The following QRICH1 variants were observed in gnomAD, a reference collection of about 807,000 sequenced individuals.
The protein encoded by QRICH1 is glutamine rich 1.
In QRICH1, 16 loss-of-function variants were observed where a neutral mutation model predicts 87.1. The observed-to-expected ratio is 0.18, with a 90% confidence interval of 0.12 to 0.28. The LOEUF (loss-of-function observed/expected upper bound fraction) is 0.28, where lower values mean the gene tolerates loss of function less well. Ranked by LOEUF, QRICH1 falls within the 10% of genes least tolerant of loss-of-function variation. The pLI, the probability that QRICH1 is intolerant of heterozygous loss-of-function variation, is 1.00. For synonymous variants in QRICH1, 367 were observed against 368.4 expected (o/e 1.00, Z 0.05); for missense variants, 647 against 951.7 (o/e 0.68, Z 4.21).
chr3:49,066,114 G>A (rs999155292), intron 2 of QRICH1, among the ~76,000 whole-genome samples: 2 of 151,988 alleles, frequency 1.3e-5, no homozygotes, highest in South Asian at 4.2e-4. Context: ...GTGAAACCCC[G>A]TCTCTACCAA....
At chr3:49,041,892 C>CTCTGGGATTA (rs1192741328) in intron 6 of QRICH1, among the ~76,000 whole-genome samples, 1 of 151,130 alleles carries the variant, frequency 6.6e-6, no homozygotes, top group African/African-American at 2.4e-5. Context: ...CCTCCCAAAG[C>CTCTGGGATTA]TCTGGGATTA....
chr3:49,085,080 T>C (rs1263138789), intron 1 of QRICH1, among the ~76,000 whole-genome samples: 1 of 151,936 alleles, frequency 6.6e-6, no homozygotes, highest in African/African-American at 2.4e-5. Context: ...GAGGTGGAGC[T>C]TGCAGTGAGC....
chr3:49,033,126 T>G lies in QRICH1; in HGVS notation c.1889A>C (p.Asn630Thr), dbSNP rs1398994867. ...GAGCCTCTAGAACACTTACTTGGTA[T>G]TAAAGAACATGAGGGTGGTCAGCAA... ...STLLTTLMFF[N>T]TKYFLLKTVD... is the part of the protein sequence containing the mutation. The change falls in exon 7 of 10, where the codon AAT becomes ACT. Residue 630 changes from asparagine to threonine, a missense_variant. Asn to Thr is a moderately conservative substitution (Grantham distance 65). Around this residue, in one of 7 missense-constraint regions of QRICH1, gnomAD observed 187 missense variants for 309.5 expected, o/e 0.60. Transcript: ENST00000395443. 1 of 1,549,614 alleles carries G rather than the reference T, an allele frequency of 6.5e-7. No individual in the cohort carries two copies.
At chr3:49,072,235 A>C (rs1304836271) in intron 2 of QRICH1, among the ~76,000 whole-genome samples, 4 of 152,172 alleles carry the variant, frequency 2.6e-5, no homozygotes. Context: ...GTGAGCCAAA[A>C]TAATGCCACT....
chr3:49,030,987 T>C (rs1319752934), intron 9 of QRICH1, among the ~76,000 whole-genome samples: 2 of 150,850 alleles, frequency 1.3e-5, no homozygotes, highest in Non-Finnish European at 3.0e-5. Flanking sequence ...TCCAAGTCTT[T>C]GCGCTTTTTT....
chr3:49,089,400 T>TC (rs2042230396), intron 1 of QRICH1, among the ~76,000 whole-genome samples: 1 of 152,162 alleles, frequency 6.6e-6, no homozygotes, highest in African/African-American at 2.4e-5. Context: ...TTTGTATTTT[T>TC]CCCAAATATT....
chr3:49,043,945 ATCTC>A (rs2093325502), intron 6 of QRICH1, among the ~76,000 whole-genome samples: 1 of 152,206 alleles, frequency 6.6e-6, no homozygotes, highest in South Asian at 2.1e-4. Context: ...TTTGAGGCCC[ATCTC>A]AGCAACATAC....
At chr3:49,077,709 G>A (rs960361519) in intron 1 of QRICH1, among the ~76,000 whole-genome samples, 1 of 152,110 alleles carries the variant, frequency 6.6e-6, no homozygotes, top group Non-Finnish European at 1.5e-5. Flanking sequence ...ATTAACCTTA[G>A]TTTTCTTGTG....
chr3:49,083,247 T>G, intron 1 of QRICH1: 1 of 141,274 alleles, frequency 7.1e-6, no homozygotes, highest in African/African-American at 2.6e-5. Context: ...GGGATGATGG[T>G]GCATGCCTGC....
intron 2 of QRICH1, among the ~76,000 whole-genome samples, chr3:49,070,059 C>CA (rs1164293960): frequency 6.7e-6 from 1 of 150,158 alleles, no homozygotes; most frequent in Non-Finnish European, 1.5e-5. Flanking sequence ...TTTTTGGAGA[C>CA]AGAGTTTCGC....
rs1450876796 is a variant in QRICH1 at position 49,059,454 on chromosome 3, G to A, written c.310-1564C>T. 4.2e-5 allele frequency among the ~76,000 whole-genome samples: 6 copies of A among 141,624 alleles called. No homozygotes were observed. In the East Asian group the frequency reaches 1.0e-3, roughly 25 times the overall value. 92.9% of individuals were successfully genotyped at this position (141,624 alleles called of 152,430 possible). On this transcript the variant is annotated intron_variant, in intron 2 of 9. Coordinates refer to ENST00000395443, the MANE Select transcript of QRICH1 (RefSeq NM_198880.3). The stretch of plus-strand genomic sequence containing the variant: ...TTTTTTTTTTTTTAGACAGAGTCTC[G>A]CTGTTACCAGGCTGGAGTGCAGTAG...
intron 3 of QRICH1, among the ~76,000 whole-genome samples, chr3:49,051,573 A>AC (rs1342982971): frequency 7.5e-5 from 4 of 53,290 alleles, no homozygotes; most frequent in African/African-American, 1.8e-4. Flanking sequence ...CCAAGCTAGA[A>AC]CCCCCCCTGC....
chr3:49,055,497 G>T (rs1461356620), intron 3 of QRICH1, among the ~76,000 whole-genome samples: 1 of 152,100 alleles, frequency 6.6e-6, no homozygotes. Context: ...TCTACGCTGG[G>T]ACCACAGGTA....
At chr3:49,030,991 C>CTTTTTTTTT (rs1162254467) in intron 9 of QRICH1, among the ~76,000 whole-genome samples, 50 of 132,450 alleles carry the variant, frequency 3.8e-4, no homozygotes, top group African/African-American at 1.3e-3. Flanking sequence ...AGTCTTTGCG[C>CTTTTTTTTT]TTTTTTTTTT....
intron 1 of QRICH1, among the ~76,000 whole-genome samples, chr3:49,077,845 GA>G (rs35545926): frequency 6.6e-6 from 1 of 151,956 alleles, no homozygotes; most frequent in Non-Finnish European, 1.5e-5. Context: ...AATAATTCTG[GA>G]AAAAAGGTAA....
chr3:49,066,183 G>A (rs1006622908), intron 2 of QRICH1, among the ~76,000 whole-genome samples: 11 of 152,068 alleles, frequency 7.2e-5, no homozygotes, highest in Non-Finnish European at 1.6e-4. Context: ...AGCGACTCAG[G>A]AGGCTGAGGT....
chr3:49,055,425 G>C (rs916843684), intron 3 of QRICH1, among the ~76,000 whole-genome samples: 1 of 152,148 alleles, frequency 6.6e-6, no homozygotes, highest in African/African-American at 2.4e-5. Flanking sequence ...CTGTTCTCTA[G>C]GCTGAAATGC....
intron 2 of QRICH1, among the ~76,000 whole-genome samples, chr3:49,064,372 G>A (rs1453118114): frequency 1.3e-5 from 2 of 151,466 alleles, no homozygotes; most frequent in African/African-American, 4.9e-5. Flanking sequence ...CTCCCGAGTA[G>A]CTGGGATTAT....
chr3:49,091,156 G>A (rs970350213), intron 1 of QRICH1, among the ~76,000 whole-genome samples: 1 of 152,202 alleles, frequency 6.6e-6, no homozygotes, highest in Non-Finnish European at 1.5e-5. Flanking sequence ...CCAGGAGGCA[G>A]AGGTTGCAGT....
Sources: gnomAD v4.1 joint callset for allele counts (sites outside exome capture counted in the v4.1 genomes callset) on GRCh38, gnomAD v4.1.1 for gene constraint, gnomAD v4.1.1 regional missense constraint, MANE v1.5 for transcripts, NCBI Gene and HGNC (gene_info 2026-07-23, HGNC 2026-07-21) for gene names.